The following LCN2 variants were observed in gnomAD, a reference collection of about 807,000 sequenced individuals.
The protein encoded by LCN2 is neutrophil gelatinase-associated lipocalin.
A neutral mutation model predicts 26.4 loss-of-function variants in LCN2; 27 were observed. The ratio of observed to expected loss-of-function variants is 1.02; its 90% CI spans 0.76 to 1.41. LCN2 has a LOEUF of 1.41. Among genes scored for constraint, LCN2 ranks in the 40% most tolerant of loss-of-function variants. The probability of loss-of-function intolerance (pLI) is 0.00; values close to 1 mark genes in which losing one functional copy is unlikely to be tolerated. For synonymous variants in LCN2, 94 were observed against 98.9 expected, an observed-to-expected ratio of 0.95 and a Z score of 0.30; for missense variants, 224 against 237.6, an observed-to-expected ratio of 0.94 and a Z score of 0.38.
Position 128,153,336 on chromosome 9 carries a change from C to A in LCN2, c.*33C>A, listed in dbSNP as rs12260. The A allele has an allele frequency of 6.4e-6, 4 of 626,924 alleles. No individual in the cohort carries two copies. The highest frequency in any genetic ancestry group is 5.6e-5 in the East Asian group (2 of 35,880). 38.8% of individuals were successfully genotyped at this position (626,924 alleles called of 1,614,324 possible). On this transcript the variant is annotated 3_prime_UTR_variant, in exon 7 of 7. Coordinates refer to ENST00000277480, the MANE Select transcript of LCN2 (RefSeq NM_005564.5). This position sits in a 1 kb window ranked among gnomAD's most constrained non-coding sequence, Gnocchi z 5.4. ...GGTGCCGCCAGCTGCCGCACCAGCCCGAACACCATTGAGGGAGCTGGGAGA... is the reference window on the plus strand; with the variant it reads ...GGTGCCGCCAGCTGCCGCACCAGCCAGAACACCATTGAGGGAGCTGGGAGA...
chr9:128,150,757 G>A (rs557801473), intron 2 of LCN2: 2 of 424,220 alleles, frequency 4.7e-6, no homozygotes, highest in African/African-American at 4.0e-5. Context: ...GAGTCAGAGA[G>A]AGCCCCCCCT....
Position 128,152,238 on chromosome 9 carries a change from A to T in LCN2, c.531A>T (p.Lys177Asn). 1 of 1,614,086 alleles carries T rather than the reference A, an allele frequency of 6.2e-7. No individual in the cohort carries two copies. Among genetic ancestry groups the T allele is most frequent in the Non-Finnish European group, 8.5e-7 (1 of 1,180,008 alleles). Residue 177 changes from lysine (K) to asparagine (N), a missense_variant, in exon 5 of 7, where the codon AAA becomes AAT. Coordinates refer to ENST00000277480, the MANE Select transcript of LCN2 (RefSeq NM_005564.5). ...AGGAGAACTTCATCCGCTTCTCCAA[A>T]TCTCTGGGCCTCCCTGAAAACCACA... ...ELKENFIRFSKSLGLPENHIV... is the reference protein window; with the variant it reads ...ELKENFIRFSNSLGLPENHIV...
In LCN2 at chr9:128,153,056, A is replaced by G. The variant is rs766899908; in HGVS notation, c.578-44A>G. On this transcript the variant is annotated intron_variant, in intron 5 of 6. Transcript: ENST00000277480. This position sits in a 1 kb window ranked among gnomAD's most constrained non-coding sequence, Gnocchi z 5.4. ...CACACACACACACTCATACACGCAC[A>G]CACACACACAGCTGCCTGTTCTGAC... 8.7e-6 allele frequency: 14 copies of G among 1,612,714 alleles called. No individual in the cohort carries two copies. The highest frequency in any genetic ancestry group is 1.3e-5 in the African/African-American group (1 of 74,880).
Position 128,151,691 on chromosome 9 carries a change from G to T in LCN2, c.329G>T (p.Gly110Val), listed in dbSNP as rs1242330043. The T allele has an allele frequency of 6.2e-7, 1 of 1,614,110 alleles. No individual in the cohort carries two copies. The highest frequency in any genetic ancestry group is 2.2e-5 in the East Asian group (1 of 44,884). Reference sequence around the variant, plus strand: ...ACTTTTGTTCCAGGTTGCCAGCCCGGCGAGTTCACGCTGGGCAACATTAAG... The same window carrying T: ...ACTTTTGTTCCAGGTTGCCAGCCCGTCGAGTTCACGCTGGGCAACATTAAG... ...IRTFVPGCQPGEFTLGNIKSY... is the reference protein window; with the variant it reads ...IRTFVPGCQPVEFTLGNIKSY... Residue 110 changes from glycine to valine, a missense_variant, in exon 3 of 7, where the codon GGC (glycine) becomes GTC (valine). By Grantham distance (109) the Gly-to-Val change is moderately radical (BLOSUM62 -3). Coordinates refer to ENST00000277480, the MANE Select transcript of LCN2 (RefSeq NM_005564.5).
intron 2 of LCN2, chr9:128,151,367 G>A: frequency 1.7e-6 from 1 of 576,520 alleles, no homozygotes; most frequent in East Asian, 2.9e-5. Context: ...CCAAAGGAAA[G>A]AAGGACATCG....
intron 2 of LCN2, among the ~76,000 whole-genome samples, chr9:128,151,051 T>G (rs1835001795): frequency 6.6e-6 from 1 of 151,942 alleles, no homozygotes; most frequent in African/African-American, 2.4e-5. Flanking sequence ...CCGCCCCCAG[T>G]GGGTTTCTGA....
At position 128,153,104 on chromosome 9, in the gene LCN2, G is replaced by C; in HGVS notation, c.582G>C (p.Gln194His). ...NHIVFPVPID[Q>H]CIDG Reference sequence around the variant, plus strand: ...GACGGACTTTCTCCCTAACAGACCAGTGTATCGACGGCTGAGTGCACAGTG... The same window carrying C: ...GACGGACTTTCTCCCTAACAGACCACTGTATCGACGGCTGAGTGCACAGTG... Residue 194 changes from glutamine to histidine, a missense_variant, in exon 6 of 7, where the codon CAG becomes CAC. Physicochemically the swap from Gln to His is conservative, Grantham distance 24. Coordinates refer to ENST00000277480, the MANE Select transcript of LCN2 (RefSeq NM_005564.5). This position sits in a 1 kb window ranked among gnomAD's most constrained non-coding sequence, Gnocchi z 5.4. 1 of 1,614,152 alleles carries C rather than the reference G, an allele frequency of 6.2e-7. No homozygotes were observed. The highest frequency in any genetic ancestry group is 8.5e-7 in the Non-Finnish European group (1 of 1,180,014).
At position 128,152,174 on chromosome 9, in the gene LCN2, T is replaced by C; in HGVS notation, c.476-9T>C. 1 of 1,613,944 alleles carries C rather than the reference T, an allele frequency of 6.2e-7. No homozygotes were observed. Among genetic ancestry groups the C allele is most frequent in the Non-Finnish European group, 8.5e-7 (1 of 1,179,830 alleles). On this transcript the variant is annotated splice_polypyrimidine_tract_variant and intron_variant, in intron 4 of 6. Coordinates refer to ENST00000277480, the MANE Select transcript of LCN2 (RefSeq NM_005564.5). The stretch of plus-strand genomic sequence containing the variant: ...TCTGCCAGCCACTCACTGGCCATCT[T>C]GGTCACAGGGAGAACCAAGGAGCTG...
At chr9:128,150,472 T>C (rs779688295) in intron 2 of LCN2, 98 bp downstream of exon 2, 22 of 1,483,222 alleles carry the variant, frequency 1.5e-5, no homozygotes, top group Non-Finnish European at 1.8e-5. Context: ...CTCGCTGTTC[T>C]GCCCGGAATT....
chr9:128,149,788 A>G, intron 1 of LCN2, 125 bp downstream of exon 1: 1 of 1,190,230 alleles, frequency 8.4e-7, no homozygotes, highest in Admixed American at 2.5e-5. Context: ...TCCAGGTTTC[A>G]GCTCACTCTG....
At chr9:128,151,547 C>A (rs1835006368) in intron 2 of LCN2, 91 bp from the exon 3 acceptor site, 4 of 1,011,380 alleles carry the variant, frequency 4.0e-6, no homozygotes, top group South Asian at 1.3e-5. Flanking sequence ...AGCAACAGAA[C>A]CCTGCTGCTG....
At chr9:128,149,989 C>T (rs1388674396) in intron 1 of LCN2, among the ~76,000 whole-genome samples, 1 of 152,014 alleles carries the variant, frequency 6.6e-6, no homozygotes, top group Non-Finnish European at 1.5e-5. Flanking sequence ...AGCCACATGC[C>T]TCCTCCAGTG....
Position 128,153,117 on chromosome 9 carries a change from T to C in LCN2, c.595T>C (p.Ter199ArgextTer15), listed in dbSNP as rs1188967940. 6.2e-7 allele frequency: 1 copy of C among 1,614,102 alleles called. No homozygotes were observed. Among genetic ancestry groups the C allele is most frequent in the East Asian group, 2.2e-5 (1 of 44,882 alleles). ...CCTAACAGACCAGTGTATCGACGGC[T>C]GAGTGCACAGTGAGTGTGGCTGGGC... ...PVPIDQCIDG* is the reference protein window; with the variant it reads ...PVPIDQCIDGR Residue 199 changes from the stop codon to arginine (R), a stop_lost, in exon 6 of 7, where the codon TGA (stop) becomes CGA (arginine). Coordinates refer to ENST00000277480, the MANE Select transcript of LCN2 (RefSeq NM_005564.5). This position sits in a 1 kb window ranked among gnomAD's most constrained non-coding sequence, Gnocchi z 5.4.
intron 2 of LCN2, 75 bp downstream of exon 2, chr9:128,150,449 TC>T: frequency 1.3e-6 from 2 of 1,586,000 alleles, no homozygotes; most frequent in Non-Finnish European, 1.7e-6. Flanking sequence ...AGCTGAGGGA[TC>T]CTGTCGTTCA....
At chr9:128,150,109 G>A in intron 1 of LCN2, 129 bp from the exon 2 acceptor site, 11 of 1,223,326 alleles carry the variant, frequency 9.0e-6, no homozygotes, top group Non-Finnish European at 1.1e-5. Context: ...GGCCCAGCCT[G>A]GGCCCTGCTG....
At chr9:128,151,760 G>A in intron 3 of LCN2, 43 bp downstream of exon 3, 2 of 1,600,268 alleles carry the variant, frequency 1.2e-6, no homozygotes, top group Non-Finnish European at 8.6e-7. Flanking sequence ...GGGCTCCGGG[G>A]AGCTGGGTAG....
At chr9:128,151,328 G>GC (rs1835003969) in intron 2 of LCN2, 5 of 566,528 alleles carry the variant, frequency 8.8e-6, no homozygotes, top group Non-Finnish European at 1.6e-5. Flanking sequence ...TTGGGTGGCG[G>GC]GGGGGGTGAA....
Position 128,152,273 on chromosome 9 carries a change from C to T in LCN2, c.566C>T (p.Pro189Leu). ...CTCCCTGAAAACCACATCGTCTTCC[C>T]TGTCCCAATCGGTAATGGCCAGTCT... is the stretch of plus-strand genomic sequence containing the variant. The part of the protein sequence containing the change: ...LGLPENHIVF[P>L]VPIDQCIDG The change falls in exon 5 of 7, where the codon CCT becomes CTT. Residue 189 changes from proline (P) to leucine (L), a missense_variant. Coordinates refer to ENST00000277480, the MANE Select transcript of LCN2 (RefSeq NM_005564.5). The T allele has an allele frequency of 1.2e-6, 2 of 1,613,938 alleles. No homozygotes were observed. Among genetic ancestry groups the T allele is most frequent in the Non-Finnish European group, 1.7e-6 (2 of 1,179,936 alleles).
chr9:128,150,581 T>C (rs1466732135), intron 2 of LCN2: 6 of 723,644 alleles, frequency 8.3e-6, no homozygotes, highest in Middle Eastern at 2.3e-4. Flanking sequence ...GCACAGTCGT[T>C]AGAAAACAAG....
Sources: gnomAD v4.1 joint callset for allele counts (sites outside exome capture counted in the v4.1 genomes callset) on GRCh38, gnomAD v4.1.1 for gene constraint, Gnocchi (gnomAD v3.1) non-coding constraint, MANE v1.5 for transcripts, NCBI Gene and HGNC (gene_info 2026-07-23, HGNC 2026-07-21) for gene names.